RNF169: variants seen among roughly 807,000 people sequenced by gnomAD.
RNF169 encodes ring finger protein 169, also known as E3 ubiquitin-protein ligase RNF169.
In RNF169, 24 loss-of-function variants were observed where a neutral mutation model predicts 53.9. The ratio of observed to expected loss-of-function variants is 0.45; its 90% CI spans 0.32 to 0.63. The LOEUF (loss-of-function observed/expected upper bound fraction) is 0.63, where lower values mean the gene tolerates loss of function less well. Ranked by LOEUF, RNF169 falls within the 20% of genes least tolerant of loss-of-function variation. The pLI is 0.04. For missense variants in RNF169, 883 were observed against 906.2 expected (o/e 0.97, Z 0.33); for synonymous variants, 396 against 363.5 (o/e 1.09, Z -1.02).
chr11:74,773,595 T>C (rs476040), intron 1 of RNF169, among the ~76,000 whole-genome samples: 52,435 of 152,086 alleles, frequency 0.34, 11,082 homozygotes, highest in African/African-American at 0.6. Context: ...TACATGTTTA[T>C]TTTTCTGATG....
chr11:74,748,942 G>A lies in RNF169; in HGVS notation c.62G>A (p.Arg21Gln). The change falls in exon 1 of 6, where the codon CGG becomes CAG. Residue 21 changes from arginine (R) to glutamine (Q), a missense_variant. Around this residue, in one of 3 missense-constraint regions of RNF169, gnomAD observed 313 missense variants for 279.9 expected, o/e 1.12. Coordinates refer to ENST00000299563, the MANE Select transcript of RNF169 (RefSeq NM_001098638.2). Reference protein sequence around the residue: ...SSAAAAAALSRRGRRGRCDET... With the variant: ...SSAAAAAALSQRGRRGRCDET... Reference sequence around the variant, plus strand: ...GCGGCGGCAGCAGCCGCTCTGAGTCGGCGGGGCCGGCGGGGCCGCTGTGAC... The same window carrying A: ...GCGGCGGCAGCAGCCGCTCTGAGTCAGCGGGGCCGGCGGGGCCGCTGTGAC... 1.4e-6 allele frequency: 2 copies of A among 1,450,194 alleles called. No individual in the cohort carries two copies. Among genetic ancestry groups the A allele is most frequent in the African/African-American group, 1.5e-5 (1 of 68,376 alleles). The allele number at this position is 1,450,194 out of a possible 1,614,324, so 89.8% of individuals were successfully genotyped here. A position where few individuals can be genotyped will look rare whatever the true frequency, so the allele number is the denominator to read the frequency against.
At position 74,841,352 on chromosome 11, in the gene RNF169, AGAT is replaced by A. The variant is rs1207379444; in HGVS notation, c.*4626_*4628del. ...AAGTGCTGAAGAGATTTTCTTCTGAAGATGATCTAGGAAATGCATCTTTATACA... is the reference window on the plus strand; with the variant it reads ...AAGTGCTGAAGAGATTTTCTTCTGAAGATCTAGGAAATGCATCTTTATACA... On this transcript the variant is annotated 3_prime_UTR_variant, in exon 6 of 6. Coordinates refer to ENST00000299563, the MANE Select transcript of RNF169 (RefSeq NM_001098638.2). 2 of 152,184 alleles carry A rather than the reference AGAT, an allele frequency of 1.3e-5. No homozygotes were observed. The highest frequency in any genetic ancestry group is 2.9e-5 in the Non-Finnish European group (2 of 68,034). The allele number at this position is 152,184 out of a possible 1,614,324, so 9.4% of individuals were successfully genotyped here. A position where few individuals can be genotyped will look rare whatever the true frequency, so the allele number is the denominator to read the frequency against.
chr11:74,834,377 G>T (rs138595501), intron 4 of RNF169, among the ~76,000 whole-genome samples: 250 of 152,328 alleles, frequency 1.6e-3, no homozygotes, highest in African/African-American at 5.7e-3. Flanking sequence ...ATTAAGGATA[G>T]TGAAGTATCT....
chr11:74,766,612 C>T (rs1175006802), intron 1 of RNF169, among the ~76,000 whole-genome samples: 2 of 152,154 alleles, frequency 1.3e-5, no homozygotes, highest in Non-Finnish European at 2.9e-5. Flanking sequence ...AAAATAACTT[C>T]AAATTTGTTC....
intron 1 of RNF169, among the ~76,000 whole-genome samples, chr11:74,750,639 C>T (rs1164215927): frequency 7.5e-6 from 1 of 133,200 alleles, no homozygotes; most frequent in Non-Finnish European, 1.5e-5. Context: ...GCACTGTCGC[C>T]CGGGCTGGAG....
At chr11:74,780,616 A>C (rs1288369493) in intron 1 of RNF169, among the ~76,000 whole-genome samples, 1 of 152,172 alleles carries the variant, frequency 6.6e-6, no homozygotes, top group Non-Finnish European at 1.5e-5. Flanking sequence ...AAATGGTTTT[A>C]ATTTTTGGCT....
intron 1 of RNF169, among the ~76,000 whole-genome samples, chr11:74,775,353 C>CTTTTTTTTGTTCT (rs2035318155): frequency 6.6e-6 from 1 of 151,618 alleles, no homozygotes; most frequent in Admixed American, 6.6e-5. Context: ...TTTTCTTTTT[C>CTTTTTTTTGTTCT]TTTTTTTTGT....
chr11:74,768,815 T>C, intron 1 of RNF169, among the ~76,000 whole-genome samples: 1 of 151,628 alleles, frequency 6.6e-6, no homozygotes, highest in East Asian at 1.9e-4. Flanking sequence ...GAGGTTGAGG[T>C]GAGAGGATTG....
At chr11:74,821,191 T>A (rs1331788794) in intron 4 of RNF169, among the ~76,000 whole-genome samples, 3 of 152,182 alleles carry the variant, frequency 2.0e-5, no homozygotes, top group East Asian at 3.8e-4. Flanking sequence ...CCTTCCATTT[T>A]TTAAAAAAAT....
chr11:74,783,603 T>C (rs759302205), intron 1 of RNF169, among the ~76,000 whole-genome samples: 1 of 152,220 alleles, frequency 6.6e-6, no homozygotes, highest in Non-Finnish European at 1.5e-5. Context: ...TAAAAATCCC[T>C]GTAAAAGCTG....
Position 74,810,279 on chromosome 11 carries a change from T to C in RNF169, c.672T>C (p.Asp224=), listed in dbSNP as rs773024144. 1 of 1,613,722 alleles carries C rather than the reference T, an allele frequency of 6.2e-7. No individual in the cohort carries two copies. The highest frequency in any genetic ancestry group is 1.7e-5 in the Admixed American group (1 of 59,964). The change falls in exon 3 of 6, where the codon GAT becomes GAC. Residue 224 remains aspartate (D), a synonymous_variant. Coordinates refer to ENST00000299563, the MANE Select transcript of RNF169 (RefSeq NM_001098638.2). The part of the protein sequence containing the change: ...EDTETGKRKM[D]EQKKRDEPLV... The stretch of plus-strand genomic sequence containing the variant: ...CAGAAACAGGGAAAAGGAAAATGGA[T>C]GAACAGAAAAAAAGAGATGAACCAT...
At chr11:74,764,111 A>G (rs2035133724) in intron 1 of RNF169, among the ~76,000 whole-genome samples, 1 of 152,254 alleles carries the variant, frequency 6.6e-6, no homozygotes, top group Non-Finnish European at 1.5e-5. Flanking sequence ...ATAACCAAAA[A>G]TGAAAGACAG....
intron 2 of RNF169, among the ~76,000 whole-genome samples, chr11:74,793,050 A>G (rs181666389): frequency 7.2e-4 from 110 of 152,356 alleles, no homozygotes; most frequent in Middle Eastern, 3.4e-3. Context: ...ATTCAGCAAT[A>G]AAAAGGAGTG....
intron 1 of RNF169, among the ~76,000 whole-genome samples, chr11:74,776,410 A>G (rs1565174317): frequency 6.6e-6 from 1 of 152,046 alleles, no homozygotes; most frequent in Non-Finnish European, 1.5e-5. Context: ...CCTTAATTAT[A>G]AAGAAAAACT....
Position 74,817,826 on chromosome 11 carries a change from G to A in RNF169, c.842+112G>A, listed in dbSNP as rs559554978. 4.9e-5 allele frequency: 35 copies of A among 717,042 alleles called. No homozygotes were observed. The African/African-American group carries it at 5.5e-4, about 11-fold the overall frequency. 44.4% of individuals were successfully genotyped at this position (717,042 alleles called of 1,614,324 possible). The stretch of plus-strand genomic sequence containing the variant: ...TGGCTACTTTGGTGGGGAGGTGGAA[G>A]GGGAGAAAAGAGGTGGGAATTGGTT... On this transcript the variant is annotated intron_variant, in intron 4 of 5. Transcript: ENST00000299563.
intron 1 of RNF169, among the ~76,000 whole-genome samples, chr11:74,768,881 C>CA (rs1378116489): frequency 2.0e-5 from 3 of 151,376 alleles, no homozygotes; most frequent in Non-Finnish European, 2.9e-5. Flanking sequence ...CTTGTCTCTA[C>CA]AAAAAAATAT....
intron 3 of RNF169, among the ~76,000 whole-genome samples, chr11:74,815,514 C>T (rs2035931582): frequency 6.6e-6 from 1 of 152,032 alleles, no homozygotes; most frequent in Non-Finnish European, 1.5e-5. Flanking sequence ...CGGGATCGTG[C>T]CACTGTACTC....
chr11:74,771,843 A>G (rs1364988951), intron 1 of RNF169, among the ~76,000 whole-genome samples: 1 of 152,234 alleles, frequency 6.6e-6, no homozygotes, highest in African/African-American at 2.4e-5. Flanking sequence ...GCTTGAGGCC[A>G]GGGGTTCGAG....
intron 2 of RNF169, 58 bp from the exon 3 acceptor site, chr11:74,810,126 A>T: frequency 6.9e-7 from 1 of 1,459,434 alleles, no homozygotes; most frequent in Admixed American, 2.1e-5. Context: ...AGAGTAAAAT[A>T]TGTTTTTAAG....
Sources: gnomAD v4.1 joint callset for allele counts (sites outside exome capture counted in the v4.1 genomes callset) on GRCh38, gnomAD v4.1.1 for gene constraint, gnomAD v4.1.1 regional missense constraint, MANE v1.5 for transcripts, NCBI Gene and HGNC (gene_info 2026-07-23, HGNC 2026-07-21) for gene names.